The following KCNIP4 variants were observed in gnomAD, a reference collection of about 807,000 sequenced individuals.
The protein encoded by KCNIP4 is potassium voltage-gated channel interacting protein 4, also known as Kv channel-interacting protein 4.
In KCNIP4, 12 loss-of-function variants were observed where a neutral mutation model predicts 34.0. That is an observed-to-expected ratio of 0.35 (90% confidence interval 0.23 to 0.57). KCNIP4 has a LOEUF of 0.57. Ranked by LOEUF, KCNIP4 falls within the 20% of genes least tolerant of loss-of-function variation. KCNIP4 has a pLI of 0.83. For missense variants in KCNIP4, 238 were observed against 311.7 expected, an observed-to-expected ratio of 0.76 and a Z score of 1.78; for synonymous variants, 124 against 102.2, an observed-to-expected ratio of 1.21 and a Z score of -1.29.
intron 1 of KCNIP4, among the ~76,000 whole-genome samples, chr4:21,446,088 C>T (rs1005300385): frequency 7.2e-5 from 11 of 152,150 alleles, no homozygotes; most frequent in South Asian, 2.1e-4. Context: ...CATCTCACAC[C>T]GGTTAGAATG....
At chr4:20,787,885 A>C (rs1712217189) in intron 3 of KCNIP4, among the ~76,000 whole-genome samples, 1 of 152,130 alleles carries the variant, frequency 6.6e-6, no homozygotes, top group Admixed American at 6.6e-5. Flanking sequence ...CTGAGTGTCC[A>C]ATTACATTTT....
chr4:20,866,421 T>C (rs1722880394), intron 2 of KCNIP4, among the ~76,000 whole-genome samples: 1 of 152,048 alleles, frequency 6.6e-6, no homozygotes, highest in South Asian at 2.1e-4. Context: ...TGATCATCTC[T>C]ATAGACACAG....
intron 1 of KCNIP4, among the ~76,000 whole-genome samples, chr4:21,116,417 C>T (rs2109119626): frequency 6.6e-6 from 1 of 152,302 alleles, no homozygotes; most frequent in Admixed American, 6.5e-5. Flanking sequence ...TCATCTTTTG[C>T]AGGCAGAGAT....
chr4:20,837,686 A>T (rs13150140), intron 3 of KCNIP4, among the ~76,000 whole-genome samples: 79,455 of 117,338 alleles, frequency 0.68, 25,688 homozygotes, highest in Admixed American at 0.75. Flanking sequence ...ATATATATAT[A>T]TTTTTTTTTC....
At chr4:21,464,686 G>A (rs1489679737) in intron 1 of KCNIP4, 2 of 151,916 alleles carry the variant, frequency 1.3e-5, no homozygotes, top group Admixed American at 1.3e-4. Context: ...CGCCTAGTTG[G>A]TGTCTATCAC....
At chr4:21,504,420 A>C (rs1157500805) in intron 1 of KCNIP4, among the ~76,000 whole-genome samples, 5 of 146,690 alleles carry the variant, frequency 3.4e-5, no homozygotes, top group Non-Finnish European at 7.5e-5. Flanking sequence ...GTGAACGGAG[A>C]TCATGCCACT....
rs565512173 is a variant in KCNIP4, at chr4:20,875,752, T to A, written c.163+6856A>T. ...AAAAAAATCCTGGAGGTTACTGTTGTATTTTTAATGGGCAACATGTTGGCC... is the reference window on the plus strand; with the variant it reads ...AAAAAAATCCTGGAGGTTACTGTTGAATTTTTAATGGGCAACATGTTGGCC... On this transcript the variant is annotated intron_variant, in intron 2 of 8. Coordinates refer to ENST00000382152, the MANE Select transcript of KCNIP4 (RefSeq NM_025221.6). Among the ~76,000 whole-genome samples, 216 of 152,284 alleles carry A rather than the reference T, an allele frequency of 1.4e-3. 2 individuals are homozygous for A. The highest frequency in any genetic ancestry group is 4.8e-3 in the African/African-American group (199 of 41,560).
At chr4:21,284,693 C>T (rs1762992884) in intron 1 of KCNIP4, among the ~76,000 whole-genome samples, 1 of 151,982 alleles carries the variant, frequency 6.6e-6, no homozygotes, top group Non-Finnish European at 1.5e-5. Context: ...AGAGAATGGA[C>T]TTAAATATAC....
At chr4:21,887,104 T>C (rs1726816190) in intron 1 of KCNIP4, among the ~76,000 whole-genome samples, 1 of 152,128 alleles carries the variant, frequency 6.6e-6, no homozygotes, top group South Asian at 2.1e-4. Flanking sequence ...ATATAGACTC[T>C]AGACACAAAA....
intron 1 of KCNIP4, among the ~76,000 whole-genome samples, chr4:21,216,909 A>G (rs993174461): frequency 1.3e-5 from 2 of 152,236 alleles, no homozygotes; most frequent in Non-Finnish European, 2.9e-5. Context: ...AACATCTAAC[A>G]TAATCTATAG....
chr4:20,844,745 T>C (rs1024346266), intron 3 of KCNIP4, among the ~76,000 whole-genome samples: 25 of 152,170 alleles, frequency 1.6e-4, no homozygotes, highest in Admixed American at 1.0e-3. Flanking sequence ...TAGATCCCTA[T>C]AATTTTACCT....
chr4:21,614,833 G>T (rs928287570), intron 1 of KCNIP4, among the ~76,000 whole-genome samples: 3 of 152,096 alleles, frequency 2.0e-5, no homozygotes, highest in Non-Finnish European at 4.4e-5. Flanking sequence ...TCTGGGAAAG[G>T]AGTCTTAATC....
chr4:20,735,310 C>G (rs926929669), intron 5 of KCNIP4, among the ~76,000 whole-genome samples: 2 of 152,058 alleles, frequency 1.3e-5, no homozygotes, highest in African/African-American at 4.8e-5. Context: ...CATCCCTTTG[C>G]CTCAATTTTC....
chr4:20,931,924 C>T (rs997217188), intron 1 of KCNIP4, among the ~76,000 whole-genome samples: 2 of 142,808 alleles, frequency 1.4e-5, no homozygotes, highest in African/African-American at 2.6e-5. Context: ...CTATAACAGT[C>T]TAATATTGTA....
intron 1 of KCNIP4, among the ~76,000 whole-genome samples, chr4:21,624,977 T>C (rs1745226895): frequency 6.6e-6 from 1 of 152,162 alleles, no homozygotes; most frequent in African/African-American, 2.4e-5. Context: ...GCAATTAAGC[T>C]ATGTTCATAT....
At chr4:21,662,478 A>C (rs1330723602) in intron 1 of KCNIP4, among the ~76,000 whole-genome samples, 1 of 152,238 alleles carries the variant, frequency 6.6e-6, no homozygotes, top group Non-Finnish European at 1.5e-5. Flanking sequence ...ACAGCATTGG[A>C]AATGCATATC....
intron 1 of KCNIP4, among the ~76,000 whole-genome samples, chr4:21,715,726 A>G (rs536647927): frequency 4.6e-5 from 7 of 152,334 alleles, no homozygotes; most frequent in African/African-American, 1.7e-4. Flanking sequence ...AGAGGACTGC[A>G]AATGTCAGGG....
At position 21,064,222 on chromosome 4, in the gene KCNIP4, G is replaced by A. The variant is rs528961632; in HGVS notation, c.62-181513C>T. ...TTTCAAGATGAAATTAGATATGTTG[G>A]CAAGAAATATGATCTTTAGTTAATG... On this transcript the variant is annotated intron_variant, in intron 1 of 8. Coordinates refer to ENST00000382152, the MANE Select transcript of KCNIP4 (RefSeq NM_025221.6). Among the ~76,000 whole-genome samples, 33 of 152,024 alleles carry A rather than the reference G, an allele frequency of 2.2e-4. 1 individual carries two copies. Among genetic ancestry groups the A allele is most frequent in the Admixed American group, 1.4e-3 (21 of 15,254 alleles).
intron 1 of KCNIP4, among the ~76,000 whole-genome samples, chr4:21,031,913 T>C (rs948442164): frequency 6.6e-6 from 1 of 152,214 alleles, no homozygotes; most frequent in African/African-American, 2.4e-5. Context: ...AAGGTATCTG[T>C]TGTAATTTCT....
Sources: allele counts gnomAD v4.1 joint callset (sites outside exome capture counted in the v4.1 genomes callset), GRCh38; gene constraint gnomAD v4.1.1; transcripts MANE v1.5; gene names NCBI Gene and HGNC (gene_info 2026-07-23, HGNC 2026-07-21).